NAV2: variants seen among roughly 807,000 people sequenced by gnomAD.
NAV2 encodes helicase, APC down-regulated 1.
In NAV2, 54 loss-of-function variants were observed where a neutral mutation model predicts 223.2. The ratio of observed to expected loss-of-function variants is 0.24; its 90% CI spans 0.19 to 0.30. The LOEUF is 0.30. Among genes scored for constraint, NAV2 ranks in the 10% least tolerant of loss-of-function variants. The pLI, the probability that NAV2 is intolerant of heterozygous loss-of-function variation, is 1.00. For missense variants in NAV2, 2,806 were observed against 3,147.5 expected, an observed-to-expected ratio of 0.89 and a Z score of 2.60; for synonymous variants, 1,279 against 1,239.3, an observed-to-expected ratio of 1.03 and a Z score of -0.67.
chr11:19,709,232 G>T (rs981273342), upstream of NAV2, among the ~76,000 whole-genome samples: 1 of 152,116 alleles, frequency 6.6e-6, no homozygotes, highest in South Asian at 2.1e-4. Context: ...AAAAATGAAC[G>T]TTTATAGAAA....
intron 10 of NAV2, among the ~76,000 whole-genome samples, chr11:19,960,916 G>T (rs974107888): frequency 6.7e-6 from 1 of 150,346 alleles, no homozygotes; most frequent in Non-Finnish European, 1.5e-5. Context: ...TCCAGCCCAG[G>T]GCCACCCTCT....
chr11:19,969,984 A>G (rs765731591), intron 10 of NAV2, among the ~76,000 whole-genome samples: 13 of 152,148 alleles, frequency 8.5e-5, no homozygotes, highest in Non-Finnish European at 1.5e-5. Flanking sequence ...AATTAACAAC[A>G]GTAACTAACA....
intron 6 of NAV2, among the ~76,000 whole-genome samples, chr11:19,900,619 T>C (rs1033185832): frequency 6.6e-6 from 1 of 152,078 alleles, no homozygotes; most frequent in African/African-American, 2.4e-5. Flanking sequence ...CAAGGGAGTA[T>C]GTAACAGCCC....
chr11:20,091,141 T>C (rs1442718), intron 27 of NAV2, 123 bp downstream of exon 27: 804,492 of 925,852 alleles, frequency 0.87, 350,740 homozygotes, highest in East Asian at 0.96. Context: ...TTCCCAGCCT[T>C]TATCTCTTTT....
At chr11:19,970,713 A>T (rs1441698308) in intron 10 of NAV2, among the ~76,000 whole-genome samples, 1 of 152,234 alleles carries the variant, frequency 6.6e-6, no homozygotes, top group East Asian at 1.9e-4. Flanking sequence ...CAATTTTATC[A>T]TAAAAGACAG....
At chr11:20,001,743 A>T (rs1050877053) in intron 11 of NAV2, among the ~76,000 whole-genome samples, 4 of 151,868 alleles carry the variant, frequency 2.6e-5, no homozygotes, top group Admixed American at 1.3e-4. Context: ...ATTAGGAGAT[A>T]TACCTAATGT....
chr11:19,583,489 A>G (rs906114328), intron 1 of NAV2, among the ~76,000 whole-genome samples: 3 of 152,182 alleles, frequency 2.0e-5, no homozygotes, highest in African/African-American at 7.2e-5. Flanking sequence ...GTTTTTGCCC[A>G]TTCAGTGTGA....
At chr11:19,949,139 T>C in intron 10 of NAV2, 59 bp downstream of exon 10, 1 of 1,508,522 alleles carries the variant, frequency 6.6e-7, no homozygotes, top group South Asian at 1.4e-5. Flanking sequence ...ACCTGGCTTC[T>C]CTTTTGTAGG....
intron 35 of NAV2, among the ~76,000 whole-genome samples, chr11:20,106,346 G>A (rs2062103314): frequency 6.8e-6 from 1 of 147,536 alleles, no homozygotes; most frequent in Non-Finnish European, 1.5e-5. Context: ...ATCACCTCAA[G>A]TTAAGAGTTC....
At chr11:19,903,872 G>A (rs1359919845) in intron 6 of NAV2, among the ~76,000 whole-genome samples, 2 of 152,158 alleles carry the variant, frequency 1.3e-5, no homozygotes, top group East Asian at 3.9e-4. Flanking sequence ...TTAGGAGAAT[G>A]TATGTGAAAT....
chr11:19,722,070 A>G (rs2050790117), intron 1 of NAV2, among the ~76,000 whole-genome samples: 1 of 152,242 alleles, frequency 6.6e-6, no homozygotes, highest in South Asian at 2.1e-4. Flanking sequence ...TAAATGAAAT[A>G]GGAGTGTGTG....
At chr11:19,405,322 T>C (rs1444303334) in intron 1 of NAV2, among the ~76,000 whole-genome samples, 1 of 152,100 alleles carries the variant, frequency 6.6e-6, no homozygotes, top group African/African-American at 2.4e-5. Context: ...CAGATATTGA[T>C]TGTTTTTCAC....
At position 20,045,568 on chromosome 11, in the gene NAV2, CG is replaced by C. The variant is rs749208446; in HGVS notation, c.3802del (p.Val1268Ter). On this transcript the variant is annotated frameshift_variant, in exon 14 of 38. Coordinates refer to ENST00000349880, the MANE Select transcript of NAV2 (RefSeq NM_145117.5). LOFTEE classifies it high-confidence loss of function. ...AACGAGAGTGTGGCTTCCTGTAACT[CG>C]GTGAAAGTGAATCCGGCAGCCCAGC... ...SDNESVASCN[S>X]VKVNPAAQPV... The C allele has an allele frequency of 6.2e-7, 1 of 1,614,142 alleles. No homozygotes were observed. Among genetic ancestry groups the C allele is most frequent in the Non-Finnish European group, 8.5e-7 (1 of 1,180,020 alleles).
In NAV2 at chr11:20,054,153, C is replaced by T; in HGVS notation, c.4555C>T (p.Leu1519Phe). 2 of 1,613,828 alleles carry T rather than the reference C, an allele frequency of 1.2e-6. No individual in the cohort carries two copies. Residue 1519 changes from leucine (L) to phenylalanine (F), a missense_variant, in exon 18 of 38, where the codon CTT becomes TTT. Leu to Phe is a conservative substitution (Grantham distance 22). Around this residue, in one of 4 missense-constraint regions of NAV2, gnomAD observed 742 missense variants for 777.9 expected, o/e 0.95. Coordinates refer to ENST00000349880, the MANE Select transcript of NAV2 (RefSeq NM_145117.5). ...EWLRSHSAGGLQDTAANSPFS... is the reference protein window; with the variant it reads ...EWLRSHSAGGFQDTAANSPFS... ...GTTACGGTCCCATTCTGCAGGAGGC[C>T]TTCAGGACACCGCTGCCAATTCCCC...
chr11:20,034,250 C>CTTA (rs2056101925), intron 11 of NAV2, among the ~76,000 whole-genome samples: 1 of 149,214 alleles, frequency 6.7e-6, no homozygotes, highest in Non-Finnish European at 1.5e-5. Context: ...AACAATAATA[C>CTTA]CCTTTTCCCC....
intron 11 of NAV2, among the ~76,000 whole-genome samples, chr11:20,002,906 TG>T (rs2153489240): frequency 6.6e-6 from 1 of 152,340 alleles, no homozygotes; most frequent in South Asian, 2.1e-4. Flanking sequence ...ATAGATGCCC[TG>T]GGGCTCACAG....
intron 1 of NAV2, among the ~76,000 whole-genome samples, chr11:19,737,469 G>T (rs890979705): frequency 7.2e-5 from 11 of 152,172 alleles, no homozygotes; most frequent in Non-Finnish European, 1.3e-4. Flanking sequence ...GAGGAGATGG[G>T]GAAAGGGCCC....
intron 19 of NAV2, among the ~76,000 whole-genome samples, chr11:20,060,329 CT>C (rs1331688853): frequency 6.6e-6 from 1 of 152,260 alleles, no homozygotes; most frequent in Non-Finnish European, 1.5e-5. Flanking sequence ...CCACTATTGT[CT>C]GTGTCGTAAG....
At position 19,949,724 on chromosome 11, in the gene NAV2, G is replaced by A. The variant is rs575702381; in HGVS notation, c.2645+644G>A. Among the ~76,000 whole-genome samples the A allele has an allele frequency of 2.0e-5, 3 of 152,294 alleles. No individual in the cohort carries two copies. In the East Asian group the frequency reaches 5.8e-4, roughly 29 times the overall value. On this transcript the variant is annotated intron_variant, in intron 10 of 37. Coordinates refer to ENST00000349880, the MANE Select transcript of NAV2 (RefSeq NM_145117.5). ...CTATTCGAAATTAGCCTGATTATGT[G>A]TATATCCTCTGTTGCCTCCCGGCCC...
Sources: allele counts gnomAD v4.1 joint callset (sites outside exome capture counted in the v4.1 genomes callset), GRCh38; gene constraint gnomAD v4.1.1; regional missense constraint gnomAD v4.1.1; transcripts MANE v1.5; gene names NCBI Gene and HGNC (gene_info 2026-07-23, HGNC 2026-07-21).